PDGFRB: variants seen among roughly 807,000 people sequenced by gnomAD.
The protein encoded by PDGFRB is platelet-derived growth factor receptor beta.
Under a neutral mutation model 120.2 loss-of-function variants are expected in PDGFRB, and 42 were observed. The observed-to-expected ratio is 0.35, with a 90% CI of 0.27 to 0.45. The LOEUF (loss-of-function observed/expected upper bound fraction) is 0.45, where lower values mean the gene tolerates loss of function less well. Ranked by LOEUF, PDGFRB falls within the 20% of genes least tolerant of loss-of-function variation. PDGFRB has a pLI of 1.00. For synonymous variants in PDGFRB, 586 were observed against 606.8 expected, an observed-to-expected ratio of 0.97 and a Z score of 0.50; for missense variants, 1,149 against 1,476.3, an observed-to-expected ratio of 0.78 and a Z score of 3.63.
rs755989080 is a variant in PDGFRB, at chr5:150,135,614, T to G, written c.305A>C (p.His102Pro). 3.1e-6 allele frequency: 5 copies of G among 1,613,966 alleles called. No homozygotes were observed. The highest frequency in any genetic ancestry group is 4.2e-6 in the Non-Finnish European group (5 of 1,179,870). ...GGTCTCCAGTCCACGGGAGTCATTG[T>G]GGGTGCAAAAGTATTCTCCCGTGTC... ...GLDTGEYFCT[H>P]NDSRGLETDE... is the part of the protein sequence containing the mutation. The change falls in exon 3 of 23, where the codon CAC becomes CCC. Residue 102 changes from histidine (H) to proline (P), a missense_variant. Around this residue, in one of 3 missense-constraint regions of PDGFRB, gnomAD observed 879 missense variants for 1,108.6 expected, o/e 0.79. Transcript: ENST00000261799.
At chr5:150,148,429 C>A (rs894174471) in intron 1 of PDGFRB, among the ~76,000 whole-genome samples, 1 of 152,250 alleles carries the variant, frequency 6.6e-6, no homozygotes, top group South Asian at 2.1e-4. Flanking sequence ...GGCTAGGGAA[C>A]TGGCATGGAT....
chr5:150,120,967 T>C lies in PDGFRB; in HGVS notation c.2507A>G (p.Glu836Gly), dbSNP rs774685011. ...DLAARNVLIC[E>G]GKLVKICDFG... The stretch of plus-strand genomic sequence containing the variant: ...GTCACAGATCTTGACCAGCTTGCCT[T>C]CACAGATGAGCACGTTCCTAGCCGC... Residue 836 changes from glutamate (E) to glycine (G), a missense_variant, in exon 18 of 23, where the codon GAA becomes GGA. Glu to Gly is a moderately conservative substitution (Grantham distance 98). Transcript: ENST00000261799. The surrounding 1 kb of genome is among the most constrained non-coding windows in gnomAD (Gnocchi z 4.3). 6.2e-7 allele frequency: 1 copy of C among 1,613,832 alleles called. No individual in the cohort carries two copies. Among genetic ancestry groups the C allele is most frequent in the Non-Finnish European group, 8.5e-7 (1 of 1,179,842 alleles).
chr5:150,146,605 G>C (rs1760929880), intron 1 of PDGFRB, among the ~76,000 whole-genome samples: 1 of 152,142 alleles, frequency 6.6e-6, no homozygotes, highest in African/African-American at 2.4e-5. Flanking sequence ...GTACAGTGGT[G>C]TGGTGGCATG....
chr5:150,116,332 G>A (rs75123497), intron 22 of PDGFRB, among the ~76,000 whole-genome samples: 1 of 152,188 alleles, frequency 6.6e-6, no homozygotes, highest in Admixed American at 6.5e-5. Context: ...GAAGACACTG[G>A]CCGGGCGTGG....
At chr5:150,139,849 A>G (rs1480011594) in intron 1 of PDGFRB, among the ~76,000 whole-genome samples, 1 of 152,062 alleles carries the variant, frequency 6.6e-6, no homozygotes, top group Admixed American at 6.6e-5. Context: ...ACATGGTGGC[A>G]AGTGCCTGTA....
Position 150,139,484 on chromosome 5 carries a change from C to T in PDGFRB, c.-6-2431G>A, listed in dbSNP as rs77258170. 2.3e-4 allele frequency among the ~76,000 whole-genome samples: 35 copies of T among 149,278 alleles called. No individual in the cohort carries two copies. The East Asian group carries it at 5.2e-3, about 22-fold the overall frequency. ...GCCAAAGAGAAGATTCTAGTCACCA[C>T]GAATCTTACCGGGGTGTTTTGAGGA... On this transcript the variant is annotated intron_variant, in intron 1 of 22. Coordinates refer to ENST00000261799, the MANE Select transcript of PDGFRB (RefSeq NM_002609.4).
At chr5:150,151,994 G>A (rs912120828) in intron 1 of PDGFRB, among the ~76,000 whole-genome samples, 28 of 151,260 alleles carry the variant, frequency 1.9e-4, no homozygotes, top group African/African-American at 5.1e-4. Flanking sequence ...TGCAATCTCC[G>A]CCTCCTGGAT....
intron 1 of PDGFRB, among the ~76,000 whole-genome samples, chr5:150,144,418 C>T (rs959213902): frequency 6.6e-6 from 1 of 152,174 alleles, no homozygotes; most frequent in Non-Finnish European, 1.5e-5. Context: ...GGCCCTCACA[C>T]TCGTCACTCA....
intron 1 of PDGFRB, among the ~76,000 whole-genome samples, chr5:150,149,264 G>A (rs528005423): frequency 3.3e-5 from 5 of 152,312 alleles, no homozygotes; most frequent in East Asian, 3.9e-4. Context: ...GGATGAAGCC[G>A]TCCCAAACTC....
chr5:150,130,003 C>CTA, intron 9 of PDGFRB, 35 bp from the exon 10 acceptor site: 1 of 1,537,024 alleles, frequency 6.5e-7, no homozygotes, highest in Non-Finnish European at 9.0e-7. Flanking sequence ...GCTGCCAGCC[C>CTA]CTTCCCCTTG....
intron 9 of PDGFRB, 62 bp downstream of exon 9, chr5:150,130,477 C>A (rs1760431741): frequency 2.6e-6 from 4 of 1,549,362 alleles, no homozygotes; most frequent in South Asian, 1.1e-5. Flanking sequence ...GACTAGATAA[C>A]CTTCACGAGC....
chr5:150,119,421 T>C (rs746076732), intron 20 of PDGFRB, 46 bp downstream of exon 20: 66 of 1,059,668 alleles, frequency 6.2e-5, no homozygotes, highest in Non-Finnish European at 7.9e-5. Context: ...TGGATATCTA[T>C]TGTTTGCAGC....
chr5:150,124,448 C>T, intron 13 of PDGFRB, 88 bp from the exon 14 acceptor site: 2 of 952,782 alleles, frequency 2.1e-6, no homozygotes, highest in Non-Finnish European at 3.3e-6. Flanking sequence ...CTCTTCTGCC[C>T]CGCCCTGTGC....
chr5:150,152,468 G>A (rs1761103352), intron 1 of PDGFRB, among the ~76,000 whole-genome samples: 1 of 152,168 alleles, frequency 6.6e-6, no homozygotes, highest in African/African-American at 2.4e-5. Context: ...TGGGTCAGAA[G>A]ACAGGGGGCA....
At chr5:150,128,443 C>T (rs906752102) in intron 10 of PDGFRB, among the ~76,000 whole-genome samples, 5 of 152,252 alleles carry the variant, frequency 3.3e-5, no homozygotes, top group Non-Finnish European at 7.3e-5. Context: ...AGATGCCTCA[C>T]ATGGCCTTTG....
At chr5:150,118,653 CT>C in intron 21 of PDGFRB, 93 bp downstream of exon 21, 1 of 820,230 alleles carries the variant, frequency 1.2e-6, no homozygotes, top group Non-Finnish European at 2.1e-6. Context: ...GGGTGGTCCC[CT>C]AAATGCCAGC....
Position 150,135,024 on chromosome 5 carries a change from G to C in PDGFRB, c.365-8C>G. ...GGAAGCCCACGGTGGGATCTGCCAG[G>C]AGTGGAGCCGTGAATAAATCAGGGG... On this transcript the variant is annotated splice_region_variant and splice_polypyrimidine_tract_variant and intron_variant, in intron 3 of 22. Coordinates refer to ENST00000261799, the MANE Select transcript of PDGFRB (RefSeq NM_002609.4). The C allele has an allele frequency of 7.0e-7, 1 of 1,427,808 alleles. No individual in the cohort carries two copies. Among genetic ancestry groups the C allele is most frequent in the East Asian group, 2.3e-5 (1 of 43,890 alleles). 88.4% of individuals were successfully genotyped at this position (1,427,808 alleles called of 1,614,324 possible).
intron 4 of PDGFRB, among the ~76,000 whole-genome samples, chr5:150,134,432 T>G (rs1760564622): frequency 6.6e-6 from 1 of 152,234 alleles, no homozygotes; most frequent in African/African-American, 2.4e-5. Context: ...TTATGTGCTT[T>G]GTGTAAAGTC....
At chr5:150,129,732 G>A (rs1415912843) in intron 10 of PDGFRB, 25 bp downstream of exon 10, 1 of 1,586,588 alleles carries the variant, frequency 6.3e-7, no homozygotes, top group Non-Finnish European at 8.6e-7. Context: ...GGGATCGTCA[G>A]GGGCCACTGA....
Sources: gnomAD v4.1 joint callset for allele counts (sites outside exome capture counted in the v4.1 genomes callset) on GRCh38, gnomAD v4.1.1 for gene constraint, gnomAD v4.1.1 regional missense constraint, Gnocchi (gnomAD v3.1) non-coding constraint, MANE v1.5 for transcripts, NCBI Gene and HGNC (gene_info 2026-07-23, HGNC 2026-07-21) for gene names.